Variants in ARHGAP28 observed in about 807,000 individuals in gnomAD.
ARHGAP28 encodes rho GTPase-activating protein 28.
In ARHGAP28, 56 loss-of-function variants were observed where a neutral mutation model predicts 90.7. The observed-to-expected ratio is 0.62, with a 90% CI of 0.50 to 0.77. The LOEUF is 0.77. Among genes scored for constraint, ARHGAP28 ranks in the 30% least tolerant of loss-of-function variants. ARHGAP28 has a pLI of 0.00. For synonymous variants in ARHGAP28, 308 were observed against 323.3 expected, an observed-to-expected ratio of 0.95 and a Z score of 0.51; for missense variants, 869 against 900.9, an observed-to-expected ratio of 0.96 and a Z score of 0.45.
Position 6,851,257 on chromosome 18 carries a change from C to A in ARHGAP28, c.636+131C>A, listed in dbSNP as rs1164490041. On this transcript the variant is annotated intron_variant, in intron 4 of 17. Coordinates refer to ENST00000383472, the MANE Select transcript of ARHGAP28 (RefSeq NM_001366230.1). ...CAACCACAGATTTCAACACACTTAT[C>A]TACCTTAGGTGATTTTTAAGGAAAA... is the stretch of plus-strand genomic sequence containing the variant. 8 of 770,420 alleles carry A rather than the reference C, an allele frequency of 1.0e-5. No homozygotes were observed. The East Asian group carries it at 1.8e-4, about 18-fold the overall frequency. The allele number at this position is 770,420 out of a possible 1,614,324, so 47.7% of individuals were successfully genotyped here. A position where few individuals can be genotyped will look rare whatever the true frequency, so the allele number is the denominator to read the frequency against.
intron 14 of ARHGAP28, among the ~76,000 whole-genome samples, chr18:6,891,981 G>A (rs2057269537): frequency 6.6e-6 from 1 of 152,154 alleles, no homozygotes; most frequent in African/African-American, 2.4e-5. Flanking sequence ...AGGCAGTGAG[G>A]CAGGAGGGAG....
chr18:6,803,428 A>G (rs2056496687), intron 1 of ARHGAP28, among the ~76,000 whole-genome samples: 1 of 152,174 alleles, frequency 6.6e-6, no homozygotes, highest in South Asian at 2.1e-4. Context: ...TCGCAGGATG[A>G]ACTCCATTTG....
At chr18:6,866,655 T>A (rs2057040251) in intron 5 of ARHGAP28, among the ~76,000 whole-genome samples, 1 of 152,210 alleles carries the variant, frequency 6.6e-6, no homozygotes, top group Non-Finnish European at 1.5e-5. Context: ...TCATTGTAAG[T>A]AGCTCAAGAG....
At chr18:6,756,096 T>C (rs1355953561) in intron 1 of ARHGAP28, among the ~76,000 whole-genome samples, 1 of 152,218 alleles carries the variant, frequency 6.6e-6, no homozygotes, top group African/African-American at 2.4e-5. Flanking sequence ...TTAGCCACAG[T>C]GGCTGTTTCC....
chr18:6,874,233 G>T (rs562375856), intron 9 of ARHGAP28, among the ~76,000 whole-genome samples: 2 of 152,138 alleles, frequency 1.3e-5, no homozygotes, highest in South Asian at 4.1e-4. Flanking sequence ...GTGTATATGT[G>T]TAATCATTTT....
chr18:6,775,365 T>G (rs1426152718), intron 1 of ARHGAP28, among the ~76,000 whole-genome samples: 1 of 152,234 alleles, frequency 6.6e-6, no homozygotes, highest in Non-Finnish European at 1.5e-5. Context: ...TGTTCTTAAG[T>G]GTTTTTACTA....
chr18:6,881,606 T>C lies in ARHGAP28; in HGVS notation c.1291-531T>C, dbSNP rs144705563. Among the ~76,000 whole-genome samples the C allele has an allele frequency of 2.4e-3, 361 of 152,328 alleles. 1 individual carries two copies. The highest frequency in any genetic ancestry group is 8.3e-3 in the African/African-American group (345 of 41,578). On this transcript the variant is annotated intron_variant, in intron 10 of 17. Coordinates refer to ENST00000383472, the MANE Select transcript of ARHGAP28 (RefSeq NM_001366230.1). ...TGGAAGGCATGTGTCTGTCTTGGAA[T>C]AAAACTTCGCTGTCACTGCTCCAGG...
chr18:6,887,139 T>C lies in ARHGAP28; in HGVS notation c.1454-18T>C. 6.2e-7 allele frequency: 1 copy of C among 1,608,816 alleles called. No homozygotes were observed. The highest frequency in any genetic ancestry group is 2.2e-5 in the East Asian group (1 of 44,862). ...CAGGGCTATTTAAAATGTATGACTA[T>C]TTCTGTTTTCTTGTTAGGAGGGCCT... On this transcript the variant is annotated intron_variant, in intron 11 of 17. Coordinates refer to ENST00000383472, the MANE Select transcript of ARHGAP28 (RefSeq NM_001366230.1).
intron 2 of ARHGAP28, among the ~76,000 whole-genome samples, chr18:6,828,739 A>G (rs1219898858): frequency 6.6e-6 from 1 of 152,218 alleles, no homozygotes; most frequent in Non-Finnish European, 1.5e-5. Flanking sequence ...AATAAGCACC[A>G]ATAAACAGTG....
In ARHGAP28 at chr18:6,777,072, A is replaced by G. The variant is rs185161976; in HGVS notation, c.122+47129A>G. On this transcript the variant is annotated intron_variant, in intron 1 of 17. Coordinates refer to ENST00000383472, the MANE Select transcript of ARHGAP28 (RefSeq NM_001366230.1). ...TGACATATAAAATTTTTGTTTTGTCAACATGACTCTTGCAAGGGTATGTAA... is the reference window on the plus strand; with the variant it reads ...TGACATATAAAATTTTTGTTTTGTCGACATGACTCTTGCAAGGGTATGTAA... 3.3e-5 allele frequency among the ~76,000 whole-genome samples: 5 copies of G among 152,312 alleles called. No individual in the cohort carries two copies. The South Asian group carries it at 8.3e-4, about 25-fold the overall frequency.
At chr18:6,773,069 A>G (rs550518881) in intron 1 of ARHGAP28, among the ~76,000 whole-genome samples, 1 of 152,336 alleles carries the variant, frequency 6.6e-6, no homozygotes, top group East Asian at 1.9e-4. Context: ...ACCTGTATTC[A>G]TTCACTAATT....
intron 16 of ARHGAP28, among the ~76,000 whole-genome samples, chr18:6,908,198 C>T (rs1249165270): frequency 6.6e-6 from 1 of 151,966 alleles, no homozygotes; most frequent in East Asian, 1.9e-4. Context: ...AGTGCAATGG[C>T]ACGATCTCCA....
chr18:6,770,097 T>C (rs73938295), intron 1 of ARHGAP28, among the ~76,000 whole-genome samples: 4,882 of 152,306 alleles, frequency 0.032, 223 homozygotes, highest in African/African-American at 0.1. Context: ...AAATTCATTT[T>C]TGTTTTGTTG....
At chr18:6,807,408 G>A (rs568715582) in intron 1 of ARHGAP28, among the ~76,000 whole-genome samples, 1 of 152,026 alleles carries the variant, frequency 6.6e-6, no homozygotes, top group Non-Finnish European at 1.5e-5. Flanking sequence ...TTTATTAGGG[G>A]CTGGATACTT....
chr18:6,845,771 T>G (rs753449407), intron 3 of ARHGAP28, among the ~76,000 whole-genome samples: 5 of 152,212 alleles, frequency 3.3e-5, no homozygotes, highest in Non-Finnish European at 7.3e-5. Flanking sequence ...TTTTTATGGC[T>G]GCATAGTATT....
chr18:6,892,952 C>T (rs1282486648), intron 14 of ARHGAP28, among the ~76,000 whole-genome samples: 1 of 152,216 alleles, frequency 6.6e-6, no homozygotes, highest in African/African-American at 2.4e-5. Context: ...TTTATGTTTT[C>T]AGCTGTTTCT....
intron 17 of ARHGAP28, among the ~76,000 whole-genome samples, chr18:6,909,300 C>T (rs4798511): frequency 8.2e-6 from 1 of 121,982 alleles, no homozygotes; most frequent in Admixed American, 8.5e-5. Flanking sequence ...CTTTTCTTTT[C>T]TTTTTTTTTT....
chr18:6,891,719 C>T lies in ARHGAP28; in HGVS notation c.1848+1176C>T, dbSNP rs932813845. 7.2e-5 allele frequency among the ~76,000 whole-genome samples: 11 copies of T among 152,272 alleles called. 1 individual carries two copies. Among genetic ancestry groups the T allele is most frequent in the Admixed American group, 2.0e-4 (3 of 15,302 alleles). On this transcript the variant is annotated intron_variant, in intron 14 of 17. Coordinates refer to ENST00000383472, the MANE Select transcript of ARHGAP28 (RefSeq NM_001366230.1). ...CCTCCTGCCTGAGCCTCTCCAGTAG[C>T]TAGGACTACAGATGCATACCACCAT...
chr18:6,833,655 C>T (rs1301951977), intron 2 of ARHGAP28, among the ~76,000 whole-genome samples: 1 of 152,112 alleles, frequency 6.6e-6, no homozygotes, highest in Non-Finnish European at 1.5e-5. Context: ...GGCATCCTGT[C>T]AGGTGGCTCA....
Sources: gnomAD v4.1 joint callset for allele counts (sites outside exome capture counted in the v4.1 genomes callset) on GRCh38, gnomAD v4.1.1 for gene constraint, MANE v1.5 for transcripts, NCBI Gene and HGNC (gene_info 2026-07-23, HGNC 2026-07-21) for gene names.